The following FHOD3 variants were observed in gnomAD, a reference collection of about 807,000 sequenced individuals.
FHOD3 encodes formin homology 2 domain containing 3.
Under a neutral mutation model 173.0 loss-of-function variants are expected in FHOD3, and 90 were observed. The ratio of observed to expected loss-of-function variants is 0.52; its 90% CI spans 0.44 to 0.62. The LOEUF (loss-of-function observed/expected upper bound fraction) is 0.62. Among genes scored for constraint, FHOD3 ranks in the 20% least tolerant of loss-of-function variants. FHOD3 has a pLI of 0.00. For missense variants in FHOD3, 1,945 were observed against 2,034.7 expected (o/e 0.96, Z 0.85); for synonymous variants, 828 against 823.0 (o/e 1.01, Z -0.10).
chr18:36,464,949 G>A (rs1009664934), intron 3 of FHOD3, among the ~76,000 whole-genome samples: 17 of 151,832 alleles, frequency 1.1e-4, no homozygotes, highest in African/African-American at 3.6e-4. Context: ...ACACACACAC[G>A]CAGGCAAACT....
At chr18:36,561,117 A>G (rs2058068484) in intron 5 of FHOD3, among the ~76,000 whole-genome samples, 1 of 152,162 alleles carries the variant, frequency 6.6e-6, no homozygotes, top group Non-Finnish European at 1.5e-5. Flanking sequence ...TTAAGAATTT[A>G]TGGTCTGAAG....
At chr18:36,525,850 C>T (rs1414244238) in intron 5 of FHOD3, among the ~76,000 whole-genome samples, 3 of 152,198 alleles carry the variant, frequency 2.0e-5, no homozygotes, top group Non-Finnish European at 4.4e-5. Context: ...CAATAAAGGA[C>T]TCTCTTCCAC....
At chr18:36,462,329 G>A (rs1202159050) in intron 3 of FHOD3, among the ~76,000 whole-genome samples, 2 of 151,706 alleles carry the variant, frequency 1.3e-5, no homozygotes, top group Non-Finnish European at 2.9e-5. Flanking sequence ...TTGCTTTTTG[G>A]TTGGTTGGTT....
chr18:36,421,207 A>C (rs2049966885), intron 3 of FHOD3, among the ~76,000 whole-genome samples: 1 of 152,238 alleles, frequency 6.6e-6, no homozygotes, highest in South Asian at 2.1e-4. Flanking sequence ...TTAAAATGGA[A>C]ATATGGATTA....
chr18:36,617,608 T>TGTGTGTGTGTGTGC (rs2033324944), intron 9 of FHOD3, among the ~76,000 whole-genome samples: 1 of 129,486 alleles, frequency 7.7e-6, no homozygotes, highest in Non-Finnish European at 1.6e-5. Context: ...TGTGTGTGTG[T>TGTGTGTGTGTGTGC]GTGTGTGTGT....
intron 3 of FHOD3, among the ~76,000 whole-genome samples, chr18:36,464,267 A>C (rs993530854): frequency 7.2e-5 from 11 of 152,368 alleles, no homozygotes; most frequent in African/African-American, 2.6e-4. Context: ...AGGGATTAGC[A>C]AAGGACAAGT....
chr18:36,389,967 C>T (rs554218995), intron 3 of FHOD3, among the ~76,000 whole-genome samples: 1 of 152,214 alleles, frequency 6.6e-6, no homozygotes, highest in Non-Finnish European at 1.5e-5. Flanking sequence ...GCTGCAGATG[C>T]AAGGCCGGTT....
intron 10 of FHOD3, among the ~76,000 whole-genome samples, chr18:36,636,492 T>C (rs1040031800): frequency 6.6e-6 from 1 of 152,128 alleles, no homozygotes; most frequent in African/African-American, 2.4e-5. Context: ...CTGGGCACAT[T>C]TGGGATGATT....
chr18:36,757,816 G>T (rs1223391779), intron 25 of FHOD3, among the ~76,000 whole-genome samples: 1 of 152,142 alleles, frequency 6.6e-6, no homozygotes, highest in Non-Finnish European at 1.5e-5. Context: ...GTACAAAGTT[G>T]GTCCTAGAGC....
intron 3 of FHOD3, among the ~76,000 whole-genome samples, chr18:36,442,711 C>T (rs2051222975): frequency 6.6e-6 from 1 of 152,198 alleles, no homozygotes; most frequent in Non-Finnish European, 1.5e-5. Flanking sequence ...AACCATAGTA[C>T]AAGCAGTAAA....
At chr18:36,302,596 G>A (rs950974915) in intron 1 of FHOD3, among the ~76,000 whole-genome samples, 6 of 152,188 alleles carry the variant, frequency 3.9e-5, no homozygotes, top group African/African-American at 9.7e-5. Flanking sequence ...TGTTTCCCTC[G>A]AAGCTAAGTA....
At chr18:36,450,720 G>A (rs549982592) in intron 3 of FHOD3, among the ~76,000 whole-genome samples, 2 of 152,120 alleles carry the variant, frequency 1.3e-5, no homozygotes, top group East Asian at 3.9e-4. Context: ...CTGAGGCCAG[G>A]AGTTTGAGGC....
At chr18:36,600,990 A>G (rs529119319) in intron 7 of FHOD3, among the ~76,000 whole-genome samples, 2 of 152,370 alleles carry the variant, frequency 1.3e-5, no homozygotes, top group East Asian at 3.9e-4. Flanking sequence ...AAATGGCGGC[A>G]TCCAGATATC....
intron 18 of FHOD3, among the ~76,000 whole-genome samples, chr18:36,711,754 A>T (rs991181508): frequency 6.6e-6 from 1 of 152,230 alleles, no homozygotes; most frequent in African/African-American, 2.4e-5. Context: ...GACTTAAATT[A>T]TATGACAGTG....
chr18:36,577,637 T>C (rs11875893), intron 6 of FHOD3, among the ~76,000 whole-genome samples: 106,078 of 152,184 alleles, frequency 0.7, 37,341 homozygotes, highest in East Asian at 0.91. Flanking sequence ...CTCATTTAAT[T>C]CTCATGAGGC....
chr18:36,357,536 ATG>A (rs2046418368), intron 2 of FHOD3, among the ~76,000 whole-genome samples: 1 of 152,204 alleles, frequency 6.6e-6, no homozygotes, highest in African/African-American at 2.4e-5. Context: ...CACCAATAGT[ATG>A]TGAGAAAGGA....
At chr18:36,321,065 G>T (rs1337683591) in intron 1 of FHOD3, among the ~76,000 whole-genome samples, 1 of 114,372 alleles carries the variant, frequency 8.7e-6, no homozygotes, top group Non-Finnish European at 1.8e-5. Context: ...CTCTTCTCGA[G>T]ATTTCCTGTG....
intron 6 of FHOD3, among the ~76,000 whole-genome samples, chr18:36,592,393 G>A (rs1049997081): frequency 3.3e-5 from 5 of 152,204 alleles, no homozygotes; most frequent in East Asian, 1.9e-4. Flanking sequence ...GTGAGAAGAC[G>A]CTGAATCATG....
chr18:36,581,440 G>A (rs771137560), intron 6 of FHOD3, among the ~76,000 whole-genome samples: 1 of 152,182 alleles, frequency 6.6e-6, no homozygotes, highest in Non-Finnish European at 1.5e-5. Context: ...CCTCTTAGGG[G>A]TGCCTCAGGG....
Sources: gnomAD v4.1 joint callset for allele counts (sites outside exome capture counted in the v4.1 genomes callset) on GRCh38, gnomAD v4.1.1 for gene constraint, MANE v1.5 for transcripts, NCBI Gene and HGNC (gene_info 2026-07-23, HGNC 2026-07-21) for gene names.